The following DIP2B variants were observed in gnomAD, a reference collection of about 807,000 sequenced individuals.
DIP2B encodes the protein DIP2 acetate--CoA ligase B (putative).
Under a neutral mutation model 198.0 loss-of-function variants are expected in DIP2B, and 76 were observed. That is an observed-to-expected ratio of 0.38 (90% CI 0.32 to 0.46). The LOEUF (loss-of-function observed/expected upper bound fraction) is 0.46, where lower values mean the gene tolerates loss of function less well. DIP2B is among the 20% of genes least tolerant of loss of function. The probability of loss-of-function intolerance (pLI) is 0.99; values close to 1 mark genes in which losing one functional copy is unlikely to be tolerated. For synonymous variants in DIP2B, 701 were observed against 739.1 expected (o/e 0.95, Z 0.84); for missense variants, 1,559 against 1,978.4 (o/e 0.79, Z 4.02).
At chr12:50,624,663 T>G (rs1292837300) in intron 1 of DIP2B, among the ~76,000 whole-genome samples, 2 of 152,088 alleles carry the variant, frequency 1.3e-5, no homozygotes, top group Middle Eastern at 6.3e-3. Flanking sequence ...AATCCTATGG[T>G]CTTCCTCTTA....
At chr12:50,744,121 C>G (rs929165732) in intron 37 of DIP2B, among the ~76,000 whole-genome samples, 21 of 152,186 alleles carry the variant, frequency 1.4e-4, no homozygotes, top group Non-Finnish European at 1.5e-5. Flanking sequence ...CCTCCCTCAG[C>G]CTCCTGAGTA....
intron 22 of DIP2B, among the ~76,000 whole-genome samples, chr12:50,713,523 A>G (rs1232934353): frequency 1.3e-5 from 2 of 152,262 alleles, no homozygotes; most frequent in African/African-American, 4.8e-5. Flanking sequence ...ATGCAGTTAC[A>G]TGGCTGCGAG....
intron 30 of DIP2B, among the ~76,000 whole-genome samples, chr12:50,729,864 G>C (rs1374729491): frequency 1.3e-5 from 2 of 151,500 alleles, no homozygotes; most frequent in African/African-American, 4.9e-5. Context: ...TGAGTAGCTG[G>C]GACTACAGGT....
intron 7 of DIP2B, 89 bp from the exon 8 acceptor site, chr12:50,678,590 G>GA (rs2139532038): frequency 7.3e-7 from 1 of 1,375,196 alleles, no homozygotes; most frequent in Non-Finnish European, 1.0e-6. Context: ...AATATGAAGT[G>GA]AAAAGGAAGA....
At chr12:50,726,156 C>T (rs1040440297) in intron 28 of DIP2B, among the ~76,000 whole-genome samples, 5 of 152,110 alleles carry the variant, frequency 3.3e-5, no homozygotes, top group African/African-American at 1.2e-4. Context: ...GAAATGGGTG[C>T]CCCATGTTAT....
At chr12:50,651,959 C>T (rs1938460926) in intron 3 of DIP2B, among the ~76,000 whole-genome samples, 1 of 152,112 alleles carries the variant, frequency 6.6e-6, no homozygotes, top group African/African-American at 2.4e-5. Context: ...GCAGGTGGAT[C>T]ACTTGAGGTC....
intron 1 of DIP2B, among the ~76,000 whole-genome samples, chr12:50,564,123 T>C (rs1198559215): frequency 6.6e-6 from 1 of 151,268 alleles, no homozygotes; most frequent in African/African-American, 2.4e-5. Flanking sequence ...GGTTCTTGCG[T>C]GTGTGTGTGT....
intron 2 of DIP2B, among the ~76,000 whole-genome samples, chr12:50,626,863 G>A (rs1043106733): frequency 2.0e-5 from 3 of 150,334 alleles, no homozygotes; most frequent in Admixed American, 6.6e-5. Context: ...CAGGGTTTAT[G>A]GCCTGTAAAT....
intron 1 of DIP2B, among the ~76,000 whole-genome samples, chr12:50,596,175 G>A (rs1301622798): frequency 3.3e-5 from 5 of 152,198 alleles, no homozygotes; most frequent in Admixed American, 6.5e-5. Flanking sequence ...TTACTTGTAA[G>A]TAAACTTAGT....
At chr12:50,614,455 G>A (rs1358831618) in intron 1 of DIP2B, among the ~76,000 whole-genome samples, 1 of 152,068 alleles carries the variant, frequency 6.6e-6, no homozygotes. Flanking sequence ...CACCTCCTAC[G>A]CTTGATGGTT....
rs377547933 is a variant in DIP2B at position 50,699,061 on chromosome 12, G to C, written c.2189-5G>C. 1.1e-5 allele frequency: 17 copies of C among 1,613,860 alleles called. No homozygotes were observed. Among genetic ancestry groups the C allele is most frequent in the Non-Finnish European group, 1.4e-5 (17 of 1,179,960 alleles). ...GTCCTTTAACCTGTATTTTCTGTAC[G>C]TTAGGGATGATGTGCATTGTGAAAC... On this transcript the variant is annotated splice_region_variant and splice_polypyrimidine_tract_variant and intron_variant, in intron 18 of 37. Transcript: ENST00000301180.
intron 1 of DIP2B, among the ~76,000 whole-genome samples, chr12:50,582,323 T>G (rs141485635): frequency 0.013 from 2,006 of 152,032 alleles, 50 homozygotes; most frequent in African/African-American, 0.046. Context: ...GCTAATTTTG[T>G]ATTTTTAGTA....
chr12:50,675,465 C>G lies in DIP2B; in HGVS notation c.916+17C>G. The G allele has an allele frequency of 1.9e-6, 3 of 1,609,192 alleles. No individual in the cohort carries two copies. The highest frequency in any genetic ancestry group is 1.7e-6 in the Non-Finnish European group (2 of 1,176,884). On this transcript the variant is annotated intron_variant, in intron 7 of 37. Transcript: ENST00000301180. ...TTGTGGAAGGTAGTAGTAAAAATACCAAAAACATATATTCATTAAATAAAT... is the reference window on the plus strand; with the variant it reads ...TTGTGGAAGGTAGTAGTAAAAATACGAAAAACATATATTCATTAAATAAAT...
chr12:50,744,789 A>G lies in DIP2B; in HGVS notation c.4681A>G (p.Ser1561Gly). Residue 1561 changes from serine to glycine, a missense_variant, in exon 38 of 38, where the codon AGC becomes GGC. Ser to Gly is a moderately conservative substitution (Grantham distance 56). Transcript: ENST00000301180. ...GEKQRMHLRD[S>G]FLADQLDPIY... ...GAAGCAGAGGATGCACCTCCGTGAT[A>G]GCTTCCTAGCTGACCAGTTAGACCC... 1 of 1,614,214 alleles carries G rather than the reference A, an allele frequency of 6.2e-7. No homozygotes were observed. Among genetic ancestry groups the G allele is most frequent in the South Asian group, 1.1e-5 (1 of 91,088 alleles).
chr12:50,702,724 C>CTATAT (rs1485322516), intron 19 of DIP2B, among the ~76,000 whole-genome samples: 13 of 95,522 alleles, frequency 1.4e-4, no homozygotes, highest in Middle Eastern at 0.011. Flanking sequence ...CATAGTGAGA[C>CTATAT]CTCATCTCTT....
chr12:50,577,363 C>G (rs972838230), intron 1 of DIP2B, among the ~76,000 whole-genome samples: 2 of 151,814 alleles, frequency 1.3e-5, no homozygotes, highest in African/African-American at 2.4e-5. Flanking sequence ...AACCCTGCCT[C>G]TACTAAAAAT....
intron 1 of DIP2B, among the ~76,000 whole-genome samples, chr12:50,601,337 T>TG (rs1322629197): frequency 6.6e-5 from 10 of 151,874 alleles, no homozygotes; most frequent in African/African-American, 2.2e-4. Context: ...CTATATATTT[T>TG]TTTGTTTGTT....
At chr12:50,734,482 C>T (rs1402331813) in intron 33 of DIP2B, among the ~76,000 whole-genome samples, 3 of 152,162 alleles carry the variant, frequency 2.0e-5, no homozygotes, top group African/African-American at 4.8e-5. Context: ...AATGGATAGT[C>T]TCTTTCCTCT....
rs554717574 is a variant in DIP2B, at chr12:50,609,301, G to A, written c.101-16675G>A. 8.5e-5 allele frequency among the ~76,000 whole-genome samples: 13 copies of A among 152,360 alleles called. No individual in the cohort carries two copies. The South Asian group carries it at 2.5e-3, about 29-fold the overall frequency. ...AGCAATTATTTGTTGCCACTTGACT[G>A]AAAATTGTCTCATTTGCTTTGTATT... On this transcript the variant is annotated intron_variant, in intron 1 of 37. Coordinates refer to ENST00000301180, the MANE Select transcript of DIP2B (RefSeq NM_173602.3).
Sources: gnomAD v4.1 joint callset for allele counts (sites outside exome capture counted in the v4.1 genomes callset) on GRCh38, gnomAD v4.1.1 for gene constraint, MANE v1.5 for transcripts, NCBI Gene and HGNC (gene_info 2026-07-23, HGNC 2026-07-21) for gene names.